SPPL2A: variants seen among roughly 807,000 people sequenced by gnomAD.
The protein encoded by SPPL2A is signal peptide peptidase like 2A.
A neutral mutation model predicts 63.8 loss-of-function variants in SPPL2A; 51 were observed. That is an observed-to-expected ratio of 0.80 (90% CI 0.64 to 1.01). The LOEUF is 1.01. Among genes scored for constraint, SPPL2A ranks in the 50% least tolerant of loss-of-function variants. The probability of loss-of-function intolerance (pLI) is 0.00; values close to 1 mark genes in which losing one functional copy is unlikely to be tolerated. For missense variants in SPPL2A, 553 were observed against 622.7 expected (o/e 0.89, Z 1.19); for synonymous variants, 188 against 205.8 (o/e 0.91, Z 0.74).
chr15:50,740,270 T>C (rs1431370731), intron 5 of SPPL2A, among the ~76,000 whole-genome samples: 2 of 151,060 alleles, frequency 1.3e-5, no homozygotes, highest in Non-Finnish European at 3.0e-5. Context: ...CTACTAAAAA[T>C]ACAAAAATTA....
chr15:50,739,869 T>A, intron 5 of SPPL2A, 41 bp from the exon 6 acceptor site: 1 of 1,459,478 alleles, frequency 6.9e-7, no homozygotes, highest in East Asian at 2.6e-5. Context: ...CTTAGCCAAG[T>A]ACAGTTATTT....
intron 14 of SPPL2A, among the ~76,000 whole-genome samples, chr15:50,710,001 A>G (rs934610388): frequency 1.3e-5 from 2 of 152,178 alleles, no homozygotes; most frequent in Admixed American, 6.5e-5. Context: ...TAAGATGAAG[A>G]TGTTGAACAT....
chr15:50,726,084 G>A, intron 11 of SPPL2A: 2 of 1,491,074 alleles, frequency 1.3e-6, no homozygotes, highest in Non-Finnish European at 1.8e-6. Flanking sequence ...TTCTCATGGG[G>A]AGCTGAGGGT....
chr15:50,720,687 T>C (rs959244406), intron 13 of SPPL2A, among the ~76,000 whole-genome samples: 3 of 151,836 alleles, frequency 2.0e-5, no homozygotes, highest in Non-Finnish European at 2.9e-5. Context: ...GCCTGGCTAA[T>C]TTTGTATTTT....
At chr15:50,757,035 G>A (rs1018069616) in intron 1 of SPPL2A, among the ~76,000 whole-genome samples, 3 of 151,010 alleles carry the variant, frequency 2.0e-5, no homozygotes, top group South Asian at 2.1e-4. Flanking sequence ...GTTTCCTACC[G>A]CTTCTCAAGT....
chr15:50,742,412 C>A (rs1436209479), intron 5 of SPPL2A, among the ~76,000 whole-genome samples: 2 of 151,788 alleles, frequency 1.3e-5, no homozygotes, highest in Non-Finnish European at 2.9e-5. Flanking sequence ...AAGATTTTAA[C>A]ACTGTGCTGA....
chr15:50,723,133 A>G (rs2062661098), intron 12 of SPPL2A, among the ~76,000 whole-genome samples: 1 of 152,230 alleles, frequency 6.6e-6, no homozygotes, highest in Non-Finnish European at 1.5e-5. Flanking sequence ...ATATGTTAGA[A>G]TGGCTGTTAT....
intron 9 of SPPL2A, 125 bp downstream of exon 9, chr15:50,732,478 A>T (rs554643452): frequency 1.6e-6 from 1 of 609,334 alleles, no homozygotes; most frequent in East Asian, 2.8e-5. Context: ...AAAGTTACAC[A>T]TTCATAAAAT....
At chr15:50,710,827 C>A (rs1037734086) in intron 14 of SPPL2A, among the ~76,000 whole-genome samples, 14 of 152,190 alleles carry the variant, frequency 9.2e-5, no homozygotes, top group Non-Finnish European at 1.9e-4. Context: ...TTAACAGACA[C>A]AACTCACTGT....
chr15:50,765,272 A>AGAGGGTGGAAAAGAG lies in SPPL2A; in HGVS notation c.66+181_66+195dup, dbSNP rs1159725473. Among the ~76,000 whole-genome samples, 36 of 152,136 alleles carry AGAGGGTGGAAAAGAG rather than the reference A, an allele frequency of 2.4e-4. No homozygotes were observed. In the East Asian group the frequency reaches 7.0e-3, roughly 29 times the overall value. ...GTGGGGGGCGGGAAAGTTGGGGGAAAGAGGGTGGAAAAGAGGAGGGTGGAA... is the reference window on the plus strand; with the variant it reads ...GTGGGGGGCGGGAAAGTTGGGGGAAAGAGGGTGGAAAAGAGGAGGGTGGAAAAGAGGAGGGTGGAA... On this transcript the variant is annotated intron_variant, in intron 1 of 14. Transcript: ENST00000261854.
rs997274637 is a variant in SPPL2A at position 50,705,109 on chromosome 15, G to A, written c.*2691C>T. 2.0e-5 allele frequency: 3 copies of A among 152,172 alleles called. No homozygotes were observed. Among genetic ancestry groups the A allele is most frequent in the African/African-American group, 7.2e-5 (3 of 41,446 alleles). 9.4% of individuals were successfully genotyped at this position (152,172 alleles called of 1,614,324 possible). On this transcript the variant is annotated 3_prime_UTR_variant, in exon 15 of 15. Transcript: ENST00000261854. ...TGCAATCCCAGCACTTGGGGAGTCT[G>A]AGGCGGGCAGATCATGAGGTCAGGA...
At chr15:50,735,729 C>A (rs2062766278) in intron 8 of SPPL2A, among the ~76,000 whole-genome samples, 1 of 152,098 alleles carries the variant, frequency 6.6e-6, no homozygotes, top group South Asian at 2.1e-4. Context: ...GCATGCACTA[C>A]CACGCCTGGC....
intron 12 of SPPL2A, among the ~76,000 whole-genome samples, chr15:50,724,054 T>A (rs2062667479): frequency 6.6e-6 from 1 of 152,206 alleles, no homozygotes; most frequent in African/African-American, 2.4e-5. Flanking sequence ...AAATCAGGCA[T>A]AAGTTTAATG....
chr15:50,715,957 A>T (rs2062596072), intron 14 of SPPL2A, among the ~76,000 whole-genome samples: 1 of 152,142 alleles, frequency 6.6e-6, no homozygotes, highest in Non-Finnish European at 1.5e-5. Context: ...AGGAAATATT[A>T]TATAGCCATT....
At chr15:50,720,644 C>T (rs1184965379) in intron 13 of SPPL2A, among the ~76,000 whole-genome samples, 1 of 151,852 alleles carries the variant, frequency 6.6e-6, no homozygotes. Context: ...CTCAGCGTCC[C>T]AAGTAGCTGG....
rs1328540507 is a variant in SPPL2A, at chr15:50,703,981, A to G, written c.*3819T>C. On this transcript the variant is annotated 3_prime_UTR_variant, in exon 15 of 15. Transcript: ENST00000261854. Reference sequence around the variant, plus strand: ...TAAAATATAAGAATGCCAATAGCAGATGGGTTAAAATTCTCTTTAAAAGAG... The same window carrying G: ...TAAAATATAAGAATGCCAATAGCAGGTGGGTTAAAATTCTCTTTAAAAGAG... The G allele has an allele frequency of 2.0e-5, 3 of 152,146 alleles. No homozygotes were observed. Among genetic ancestry groups the G allele is most frequent in the African/African-American group, 4.8e-5 (2 of 41,438 alleles). 9.4% of individuals were successfully genotyped at this position (152,146 alleles called of 1,614,324 possible). A position where few individuals can be genotyped will look rare whatever the true frequency, so the allele number is the denominator to read the frequency against.
intron 10 of SPPL2A, among the ~76,000 whole-genome samples, chr15:50,728,746 G>A (rs970145612): frequency 3.3e-5 from 5 of 151,414 alleles, no homozygotes; most frequent in South Asian, 2.1e-4. Context: ...GGCTTCAAGC[G>A]ATCTTCCCAC....
At chr15:50,738,564 A>T (rs184393087) in intron 6 of SPPL2A, among the ~76,000 whole-genome samples, 1 of 151,636 alleles carries the variant, frequency 6.6e-6, no homozygotes, top group Admixed American at 6.6e-5. Context: ...AAAAAAAAAA[A>T]GCTGAATGAA....
intron 11 of SPPL2A, 68 bp downstream of exon 11, chr15:50,726,253 A>G: frequency 6.5e-7 from 1 of 1,546,904 alleles, no homozygotes; most frequent in Non-Finnish European, 8.9e-7. Context: ...TTACACAGGA[A>G]GGCAAATTAT....
Sources: allele counts gnomAD v4.1 joint callset (sites outside exome capture counted in the v4.1 genomes callset), GRCh38; gene constraint gnomAD v4.1.1; transcripts MANE v1.5; gene names NCBI Gene and HGNC (gene_info 2026-07-23, HGNC 2026-07-21).